The following SRL variants were observed in gnomAD, a reference collection of about 807,000 sequenced individuals.
The protein encoded by SRL is sarcalumenin.
A neutral mutation model predicts 39.5 loss-of-function variants in SRL; 23 were observed. That is an observed-to-expected ratio of 0.58 (90% CI 0.42 to 0.82). SRL has a LOEUF of 0.82. SRL is among the 40% of genes least tolerant of loss of function. The pLI is 0.00. For synonymous variants in SRL, 272 were observed against 237.4 expected (o/e 1.15, Z -1.34); for missense variants, 592 against 607.8 (o/e 0.97, Z 0.27).
At chr16:4,200,969 G>A (rs540594325) in intron 3 of SRL, among the ~76,000 whole-genome samples, 15 of 152,288 alleles carry the variant, frequency 9.8e-5, no homozygotes, top group Non-Finnish European at 2.2e-4. Context: ...AGATACCACT[G>A]CTAAATTTTT....
chr16:4,233,140 C>T (rs1165715442), intron 1 of SRL, among the ~76,000 whole-genome samples: 1 of 152,210 alleles, frequency 6.6e-6, no homozygotes, highest in Non-Finnish European at 1.5e-5. Context: ...GAGAAAGAGC[C>T]ACTTGGCTCA....
At chr16:4,207,093 C>G (rs763144747) in intron 1 of SRL, 10 of 455,360 alleles carry the variant, frequency 2.2e-5, no homozygotes, top group South Asian at 1.2e-4. Flanking sequence ...CTGGGGCTCC[C>G]CAGCCTCCTG....
Position 4,189,730 on chromosome 16 carries a change from T to C in SRL, c.*2423A>G, listed in dbSNP as rs1280520045. 1 of 152,200 alleles carries C rather than the reference T, an allele frequency of 6.6e-6. No individual in the cohort carries two copies. The highest frequency in any genetic ancestry group is 1.9e-4 in the East Asian group (1 of 5,190). 9.4% of individuals were successfully genotyped at this position (152,200 alleles called of 1,614,324 possible). On this transcript the variant is annotated 3_prime_UTR_variant, in exon 6 of 6. Coordinates refer to ENST00000399609, the MANE Select transcript of SRL (RefSeq NM_001098814.2). The stretch of plus-strand genomic sequence containing the variant: ...CTGATAACGCAGCCCCCTGAAAATA[T>C]AAATATTGCATGAATGTATTAGCCT...
At chr16:4,241,334 G>GA (rs1259990150) in intron 1 of SRL, among the ~76,000 whole-genome samples, 1 of 152,166 alleles carries the variant, frequency 6.6e-6, no homozygotes, top group Non-Finnish European at 1.5e-5. Context: ...AAAGTGCTGA[G>GA]ATGTCAAAGG....
At chr16:4,198,022 A>C in intron 3 of SRL, 107 bp from the exon 4 acceptor site, 7 of 781,730 alleles carry the variant, frequency 9.0e-6, no homozygotes, top group South Asian at 8.8e-5. Flanking sequence ...TGAGTTGTGG[A>C]ATTCTCCATG....
Position 4,242,057 on chromosome 16 carries a change from A to T in SRL, c.11T>A (p.Leu4Gln), listed in dbSNP as rs372344845. 2.5e-4 allele frequency: 410 copies of T among 1,612,066 alleles called. No individual in the cohort carries two copies. The highest frequency in any genetic ancestry group is 3.3e-4 in the Non-Finnish European group (384 of 1,179,598). Residue 4 changes from leucine (L) to glutamine (Q), a missense_variant, in exon 1 of 6, where the codon CTG becomes CAG. Physicochemically the swap from Leu to Gln is moderately radical, Grantham distance 113. Coordinates refer to ENST00000399609, the MANE Select transcript of SRL (RefSeq NM_001098814.2). MRALVLLGCLLASL... is the reference protein window; with the variant it reads MRAQVLLGCLLASL... Reference sequence around the variant, plus strand: ...GGCCAGGAGGCAGCCGAGCAGGACCAGCGCCCTCATGGTGACTGCCAAGAG... The same window carrying T: ...GGCCAGGAGGCAGCCGAGCAGGACCTGCGCCCTCATGGTGACTGCCAAGAG...
Position 4,236,670 on chromosome 16 carries a change from G to A in SRL, c.61+5337C>T, listed in dbSNP as rs575866252. Among the ~76,000 whole-genome samples the A allele has an allele frequency of 5.3e-5, 8 of 151,858 alleles. No individual in the cohort carries two copies. In the East Asian group the frequency reaches 1.5e-3, roughly 29 times the overall value. ...CTGAACTTTTTTTTTTTGAGACAGA[G>A]TCTTGCTCTGGTGCCCAGACTGGAG... On this transcript the variant is annotated intron_variant, in intron 1 of 5. Coordinates refer to ENST00000399609, the MANE Select transcript of SRL (RefSeq NM_001098814.2).
intron 1 of SRL, among the ~76,000 whole-genome samples, chr16:4,225,166 T>C (rs1226634392): frequency 6.6e-6 from 1 of 151,528 alleles, no homozygotes; most frequent in Non-Finnish European, 1.5e-5. Context: ...ATAAAAAATG[T>C]TCTAAAATTG....
At chr16:4,203,102 G>T in intron 3 of SRL, 64 bp downstream of exon 3, 2 of 1,426,232 alleles carry the variant, frequency 1.4e-6, no homozygotes, top group Non-Finnish European at 2.0e-6. Flanking sequence ...CAGCAGTGTG[G>T]CCCCGCCGAC....
At chr16:4,219,115 T>C (rs964675600) in intron 1 of SRL, among the ~76,000 whole-genome samples, 1 of 146,208 alleles carries the variant, frequency 6.8e-6, no homozygotes, top group Non-Finnish European at 1.5e-5. Context: ...CTAGCCCAAC[T>C]CTTTAGCCCA....
chr16:4,204,579 C>T lies in SRL; in HGVS notation c.117G>A (p.Glu39=). 6.2e-7 allele frequency: 1 copy of T among 1,614,230 alleles called. No individual in the cohort carries two copies. The highest frequency in any genetic ancestry group is 8.5e-7 in the Non-Finnish European group (1 of 1,180,046). Residue 39 remains glutamate (E), a synonymous_variant, in exon 2 of 6, where the codon GAG becomes GAA. Transcript: ENST00000399609. ...TGTCCTCATTCAGCATGAGGGTCTTCTCGATGTGGGAGCGGTCCCTCAATG... is the reference window on the plus strand; with the variant it reads ...TGTCCTCATTCAGCATGAGGGTCTTTTCGATGTGGGAGCGGTCCCTCAATG... ...EAPLRDRSHI[E]KTLMLNEDKP...
intron 1 of SRL, among the ~76,000 whole-genome samples, chr16:4,226,005 G>T (rs2052583879): frequency 6.6e-6 from 1 of 152,040 alleles, no homozygotes; most frequent in South Asian, 2.1e-4. Context: ...TGCTTGCTTT[G>T]CTTTTTGCTG....
At chr16:4,228,596 G>T (rs562917673) in intron 1 of SRL, among the ~76,000 whole-genome samples, 1 of 151,460 alleles carries the variant, frequency 6.6e-6, no homozygotes, top group East Asian at 2.0e-4. Context: ...TTAGTCAGGC[G>T]TGGTGGCGGG....
chr16:4,219,368 C>T (rs1403411070), intron 1 of SRL, among the ~76,000 whole-genome samples: 6 of 152,244 alleles, frequency 3.9e-5, no homozygotes, highest in Non-Finnish European at 5.9e-5. Context: ...GCTCATCTGT[C>T]CCCCTATTGT....
chr16:4,212,496 C>T (rs1011921250), intron 1 of SRL, among the ~76,000 whole-genome samples: 4 of 152,208 alleles, frequency 2.6e-5, no homozygotes, highest in African/African-American at 7.2e-5. Context: ...TGCTTCTTGC[C>T]GAAGCACCCT....
chr16:4,213,687 A>G (rs1346450385), intron 1 of SRL, among the ~76,000 whole-genome samples: 1 of 151,996 alleles, frequency 6.6e-6, no homozygotes, highest in Non-Finnish European at 1.5e-5. Flanking sequence ...CTGGGATTAC[A>G]GGTGTGAACC....
chr16:4,218,250 C>G (rs536090486), intron 1 of SRL, among the ~76,000 whole-genome samples: 2 of 152,288 alleles, frequency 1.3e-5, no homozygotes, highest in African/African-American at 4.8e-5. Flanking sequence ...AACGCAAACG[C>G]GCACTCAGGA....
chr16:4,239,680 G>A (rs1597301681), intron 1 of SRL: 1 of 152,400 alleles, frequency 6.6e-6, no homozygotes, highest in Admixed American at 6.5e-5. Flanking sequence ...GTCTGTCACA[G>A]AGAGACGGGC....
At chr16:4,213,751 G>A (rs2052423269) in intron 1 of SRL, among the ~76,000 whole-genome samples, 1 of 152,124 alleles carries the variant, frequency 6.6e-6, no homozygotes, top group Admixed American at 6.6e-5. Flanking sequence ...GCTCTCAGCT[G>A]GGTCATCTCC....
Sources: allele counts gnomAD v4.1 joint callset (sites outside exome capture counted in the v4.1 genomes callset), GRCh38; gene constraint gnomAD v4.1.1; transcripts MANE v1.5; gene names NCBI Gene and HGNC (gene_info 2026-07-23, HGNC 2026-07-21).